Variants in EYA2 observed in about 807,000 individuals in gnomAD.
EYA2 encodes EYA transcriptional coactivator and phosphatase 2.
In EYA2, 31 loss-of-function variants were observed where a neutral mutation model predicts 69.2. The ratio of observed to expected loss-of-function variants is 0.45; its 90% CI spans 0.34 to 0.60. The LOEUF (loss-of-function observed/expected upper bound fraction) is 0.60, where lower values mean the gene tolerates loss of function less well. Ranked by LOEUF, EYA2 falls within the 20% of genes least tolerant of loss-of-function variation. The pLI, the probability that EYA2 is intolerant of heterozygous loss-of-function variation, is 0.02. For synonymous variants in EYA2, 257 were observed against 279.4 expected, an observed-to-expected ratio of 0.92 and a Z score of 0.80; for missense variants, 622 against 701.2, an observed-to-expected ratio of 0.89 and a Z score of 1.28.
chr20:46,975,534 A>G (rs1980406563), intron 1 of EYA2, among the ~76,000 whole-genome samples: 3 of 152,126 alleles, frequency 2.0e-5, no homozygotes. Flanking sequence ...AATCAAATAA[A>G]ATGAAAAAAG....
chr20:47,107,125 G>A (rs1218168650), intron 9 of EYA2, among the ~76,000 whole-genome samples: 1 of 152,122 alleles, frequency 6.6e-6, no homozygotes, highest in African/African-American at 2.4e-5. Context: ...CAGGTGTACT[G>A]TTCTAGGCCC....
chr20:47,106,388 A>C (rs2032580134), intron 9 of EYA2, among the ~76,000 whole-genome samples: 1 of 152,178 alleles, frequency 6.6e-6, no homozygotes, highest in Non-Finnish European at 1.5e-5. Flanking sequence ...ATCTCAACCC[A>C]CACAGCATGC....
At chr20:47,087,756 C>T (rs2146501597) in intron 7 of EYA2, among the ~76,000 whole-genome samples, 1 of 152,290 alleles carries the variant, frequency 6.6e-6, no homozygotes, top group South Asian at 2.1e-4. Context: ...AGCAAGGACC[C>T]ACATTCTGTG....
At chr20:47,123,042 TAAC>T (rs1171770351) in intron 9 of EYA2, among the ~76,000 whole-genome samples, 2 of 152,204 alleles carry the variant, frequency 1.3e-5, no homozygotes, top group Non-Finnish European at 2.9e-5. Flanking sequence ...ATGGATGTAA[TAAC>T]AATAATACTC....
intron 7 of EYA2, among the ~76,000 whole-genome samples, chr20:47,083,948 A>G (rs1172525842): frequency 6.6e-6 from 1 of 152,200 alleles, no homozygotes; most frequent in Non-Finnish European, 1.5e-5. Context: ...AAACAATCTG[A>G]TAAAGAAATG....
intron 15 of EYA2, among the ~76,000 whole-genome samples, chr20:47,185,891 G>C (rs1255868858): frequency 2.0e-5 from 3 of 151,810 alleles, no homozygotes. Context: ...TTCCTTCTAC[G>C]AATATTTCTT....
rs73911841 is a variant in EYA2 at position 46,984,771 on chromosome 20, A to G, written c.-10-5230A>G. Among the ~76,000 whole-genome samples the G allele has an allele frequency of 3.3e-3, 508 of 152,298 alleles. 1 individual carries two copies. Among genetic ancestry groups the G allele is most frequent in the African/African-American group, 0.012 (489 of 41,552 alleles). On this transcript the variant is annotated intron_variant, in intron 1 of 15. Coordinates refer to ENST00000327619, the MANE Select transcript of EYA2 (RefSeq NM_005244.5). ...TAGGAATGTGTGTGTATACATATAT[A>G]TAGGGAGAGATACTGCATTTTAAAA... is the stretch of plus-strand genomic sequence containing the variant.
At chr20:47,106,208 C>T (rs1052363839) in intron 9 of EYA2, among the ~76,000 whole-genome samples, 1 of 152,108 alleles carries the variant, frequency 6.6e-6, no homozygotes, top group African/African-American at 2.4e-5. Context: ...TTTCCTCTTG[C>T]CTCAGGCCCT....
At chr20:47,135,259 C>T (rs2033435857) in intron 9 of EYA2, among the ~76,000 whole-genome samples, 2 of 151,226 alleles carry the variant, frequency 1.3e-5, no homozygotes, top group South Asian at 4.2e-4. Context: ...GGATTATAAC[C>T]TGCACTTTTA....
intron 1 of EYA2, among the ~76,000 whole-genome samples, chr20:46,903,843 C>T (rs1428805307): frequency 6.6e-6 from 1 of 151,866 alleles, no homozygotes; most frequent in Non-Finnish European, 1.5e-5. Flanking sequence ...ATAGTAACAA[C>T]AATAATAAAA....
intron 9 of EYA2, among the ~76,000 whole-genome samples, chr20:47,141,554 A>C (rs115320254): frequency 6.6e-6 from 1 of 152,212 alleles, no homozygotes; most frequent in Non-Finnish European, 1.5e-5. Flanking sequence ...TGCAGTAACA[A>C]ACATCCCCAA....
Position 47,001,450 on chromosome 20 carries a change from G to C in EYA2, c.132G>C (p.Leu44=). The C allele has an allele frequency of 6.2e-7, 1 of 1,614,154 alleles. No individual in the cohort carries two copies. The highest frequency in any genetic ancestry group is 8.5e-7 in the Non-Finnish European group (1 of 1,180,026). The change falls in exon 3 of 16, where the codon CTG becomes CTC. Residue 44 remains leucine, a synonymous_variant. Coordinates refer to ENST00000327619, the MANE Select transcript of EYA2 (RefSeq NM_005244.5). ...CAGGCATCACCAAATCGGCCCCCCT[G>C]AGAGTGTCCCAGCTCTTCTCCAGGT... ...DRQGITKSAP[L]RVSQLFSRSC... is the part of the protein sequence containing the mutation.
intron 11 of EYA2, among the ~76,000 whole-genome samples, chr20:47,170,615 C>G (rs1013099608): frequency 1.3e-5 from 2 of 151,354 alleles, no homozygotes; most frequent in Admixed American, 1.3e-4. Context: ...CCACTGCACT[C>G]CAGCCTGGGG....
At chr20:46,904,008 A>G (rs779199645) in intron 1 of EYA2, among the ~76,000 whole-genome samples, 3 of 152,324 alleles carry the variant, frequency 2.0e-5, no homozygotes, top group Non-Finnish European at 4.4e-5. Context: ...TCTATAAGCT[A>G]TTGATCAGTT....
chr20:47,126,098 C>T (rs1402416376), intron 9 of EYA2, among the ~76,000 whole-genome samples: 3 of 152,332 alleles, frequency 2.0e-5, no homozygotes, highest in African/African-American at 7.2e-5. Context: ...AGTCTGCAAG[C>T]CCAGACAAGG....
chr20:46,942,567 A>C (rs1344560743), intron 1 of EYA2, among the ~76,000 whole-genome samples: 1 of 152,204 alleles, frequency 6.6e-6, no homozygotes, highest in Non-Finnish European at 1.5e-5. Flanking sequence ...AGTTATGCAG[A>C]TGTGACTTAC....
intron 15 of EYA2, among the ~76,000 whole-genome samples, chr20:47,186,244 G>A (rs2034637475): frequency 6.6e-6 from 1 of 152,046 alleles, no homozygotes; most frequent in African/African-American, 2.4e-5. Flanking sequence ...GGCCCCACTG[G>A]GGTCTGCCCC....
chr20:46,996,559 C>T (rs1282976255), intron 2 of EYA2, among the ~76,000 whole-genome samples: 2 of 152,144 alleles, frequency 1.3e-5, no homozygotes, highest in Admixed American at 6.5e-5. Flanking sequence ...CTTTGCACCT[C>T]GTTATAATTG....
chr20:47,136,740 TC>T (rs2033485525), intron 9 of EYA2, among the ~76,000 whole-genome samples: 1 of 106,014 alleles, frequency 9.4e-6, no homozygotes, highest in Non-Finnish European at 2.2e-5. Context: ...AGACCCTGTC[TC>T]AAAAAAAAAA....
Sources: allele counts gnomAD v4.1 joint callset (sites outside exome capture counted in the v4.1 genomes callset), GRCh38; gene constraint gnomAD v4.1.1; transcripts MANE v1.5; gene names NCBI Gene and HGNC (gene_info 2026-07-23, HGNC 2026-07-21).